The following DNAI7 variants were observed in gnomAD, a reference collection of about 807,000 sequenced individuals.
The protein encoded by DNAI7 is dynein axonemal intermediate chain 7.
A neutral mutation model predicts 86.6 loss-of-function variants in DNAI7; 78 were observed. The ratio of observed to expected loss-of-function variants is 0.90; its 90% confidence interval spans 0.75 to 1.09. The LOEUF is 1.09. DNAI7 is among the 50% of genes least tolerant of loss of function. DNAI7 has a pLI of 0.00. For synonymous variants in DNAI7, 274 were observed against 273.0 expected (o/e 1.00, Z -0.04); for missense variants, 753 against 810.2 (o/e 0.93, Z 0.86).
At chr12:25,116,362 G>C (rs1940097184) in intron 12 of DNAI7, among the ~76,000 whole-genome samples, 1 of 151,964 alleles carries the variant, frequency 6.6e-6, no homozygotes, top group African/African-American at 2.4e-5. Context: ...CAAATTTCTA[G>C]TAGTTCCGGG....
chr12:25,120,404 A>C (rs1467495576), intron 11 of DNAI7, among the ~76,000 whole-genome samples: 1 of 151,380 alleles, frequency 6.6e-6, no homozygotes, highest in Admixed American at 6.6e-5. Context: ...TATGGGAAGC[A>C]AGCCACCACG....
chr12:25,119,112 C>T lies in DNAI7; in HGVS notation c.1396+33G>A, dbSNP rs780290982. 2.2e-5 allele frequency: 34 copies of T among 1,538,032 alleles called. 1 individual carries two copies. The South Asian group carries it at 3.9e-4, about 18-fold the overall frequency. ...CAACTTAAGGGTTTTTATGATTATC[C>T]CTCCTTTTATTACATAATTATAAAA... On this transcript the variant is annotated intron_variant, in intron 12 of 15. Transcript: ENST00000395987.
chr12:25,190,585 C>G (rs1423597236), intron 2 of DNAI7, 29 bp downstream of exon 2: 1 of 1,133,938 alleles, frequency 8.8e-7, no homozygotes, highest in Non-Finnish European at 1.3e-6. Flanking sequence ...GATTATACAA[C>G]TATCTATTTT....
chr12:25,193,300 A>T (rs1339375261), intron 1 of DNAI7, among the ~76,000 whole-genome samples: 1 of 152,156 alleles, frequency 6.6e-6, no homozygotes, highest in Non-Finnish European at 1.5e-5. Context: ...ATCCAATATG[A>T]TTTGTGTCCT....
chr12:25,153,688 A>C (rs1277938559), intron 6 of DNAI7, among the ~76,000 whole-genome samples: 1 of 152,208 alleles, frequency 6.6e-6, no homozygotes, highest in Admixed American at 6.5e-5. Context: ...GCCACTAACT[A>C]GTTAGCTATG....
chr12:25,163,005 G>T (rs1253085125), intron 2 of DNAI7, among the ~76,000 whole-genome samples: 1 of 152,200 alleles, frequency 6.6e-6, no homozygotes, highest in African/African-American at 2.4e-5. Flanking sequence ...CCTGTGAAGG[G>T]AGCGATCTGC....
chr12:25,129,250 T>G (rs1319016749), intron 9 of DNAI7, among the ~76,000 whole-genome samples: 6 of 152,226 alleles, frequency 3.9e-5, no homozygotes, highest in Non-Finnish European at 1.5e-5. Flanking sequence ...ATTTGGTGCA[T>G]GAATGATTAC....
chr12:25,139,696 C>T (rs1014113078), intron 9 of DNAI7, among the ~76,000 whole-genome samples: 6 of 151,762 alleles, frequency 4.0e-5, no homozygotes, highest in African/African-American at 1.5e-4. Flanking sequence ...TGGGGCCTGT[C>T]GGGGGATGGG....
chr12:25,109,246 A>C (rs1185081363), intron 15 of DNAI7, among the ~76,000 whole-genome samples: 2 of 152,348 alleles, frequency 1.3e-5, no homozygotes, highest in East Asian at 3.9e-4. Flanking sequence ...TGTTTAGGCC[A>C]AAATATTCAT....
At chr12:25,169,039 A>C (rs1045672319) in intron 2 of DNAI7, among the ~76,000 whole-genome samples, 5 of 151,942 alleles carry the variant, frequency 3.3e-5, no homozygotes, top group African/African-American at 1.2e-4. Context: ...ACCCCCAAAA[A>C]TTTCGCTGTC....
intron 9 of DNAI7, among the ~76,000 whole-genome samples, chr12:25,138,895 A>G (rs1219959531): frequency 6.6e-6 from 1 of 150,490 alleles, no homozygotes; most frequent in Non-Finnish European, 1.5e-5. Flanking sequence ...AAAAAAAAAT[A>G]CAAAAGATAA....
chr12:25,195,111 A>T lies in DNAI7; in HGVS notation c.-33T>A, dbSNP rs943707532. Reference sequence around the variant, plus strand: ...CAAGCTCCACTGCAGTAGTCCGCAGAGTCGGAGCAGAAATTGTGTGGACAA... The same window carrying T: ...CAAGCTCCACTGCAGTAGTCCGCAGTGTCGGAGCAGAAATTGTGTGGACAA... On this transcript the variant is annotated 5_prime_UTR_variant, in exon 1 of 16. Transcript: ENST00000395987. The T allele has an allele frequency of 6.2e-7, 1 of 1,610,590 alleles. No homozygotes were observed. Among genetic ancestry groups the T allele is most frequent in the Admixed American group, 1.7e-5 (1 of 60,030 alleles).
chr12:25,115,571 A>G (rs1939920673), intron 12 of DNAI7, among the ~76,000 whole-genome samples: 1 of 152,236 alleles, frequency 6.6e-6, no homozygotes, highest in Non-Finnish European at 1.5e-5. Context: ...ATAAGTACTT[A>G]AAAAGATGAT....
intron 5 of DNAI7, 51 bp from the exon 6 acceptor site, chr12:25,154,507 G>A (rs769781926): frequency 3.2e-6 from 5 of 1,552,220 alleles, no homozygotes; most frequent in African/African-American, 2.8e-5. Context: ...TTCAACCAAA[G>A]ATTAAATGAC....
Position 25,186,009 on chromosome 12 carries a change from T to C in DNAI7, c.21+4605A>G, listed in dbSNP as rs7980769. 0.19 allele frequency among the ~76,000 whole-genome samples: 28,227 copies of C among 152,156 alleles called. 2,736 individuals carry two copies. Among genetic ancestry groups the C allele is most frequent in the Middle Eastern group, 0.24 (70 of 294 alleles). ...TGTATTAATAATGCCATTTTCTTCA[T>C]TGGAAGAAAAGTCATAAATTATTAA... On this transcript the variant is annotated intron_variant, in intron 2 of 15. Coordinates refer to ENST00000395987, the MANE Select transcript of DNAI7 (RefSeq NM_018272.5).
In DNAI7 at chr12:25,108,430, A is replaced by G; in HGVS notation, c.*118T>C. ...AACTTGAGTAGAAAATGCAGATTAGAAAATTTTTAATAGTTGATTTGAAAT... is the reference window on the plus strand; with the variant it reads ...AACTTGAGTAGAAAATGCAGATTAGGAAATTTTTAATAGTTGATTTGAAAT... On this transcript the variant is annotated 3_prime_UTR_variant, in exon 16 of 16. Transcript: ENST00000395987. 1 of 904,856 alleles carries G rather than the reference A, an allele frequency of 1.1e-6. No homozygotes were observed. Among genetic ancestry groups the G allele is most frequent in the Non-Finnish European group, 1.6e-6 (1 of 638,154 alleles). The allele number at this position is 904,856 out of a possible 1,614,324, so 56.1% of individuals were successfully genotyped here. A position where few individuals can be genotyped will look rare whatever the true frequency, so the allele number is the denominator to read the frequency against.
chr12:25,183,016 GA>G (rs1195262470), intron 2 of DNAI7, among the ~76,000 whole-genome samples: 1 of 151,164 alleles, frequency 6.6e-6, no homozygotes, highest in African/African-American at 2.4e-5. Flanking sequence ...AGGAAGGAAA[GA>G]AGGAAAATGA....
intron 2 of DNAI7, among the ~76,000 whole-genome samples, chr12:25,174,573 G>GATATATATATGAT (rs1165327766): frequency 0.015 from 349 of 23,606 alleles, 9 homozygotes; most frequent in Middle Eastern, 0.023. Flanking sequence ...ATATATATGG[G>GATATATATATGAT]ATATATATCA....
chr12:25,192,734 GC>G (rs1950635234), intron 1 of DNAI7: 1 of 148,182 alleles, frequency 6.7e-6, no homozygotes, highest in Non-Finnish European at 1.5e-5. Flanking sequence ...CAGGAGAATC[GC>G]TTGAAGGAGA....
Sources: gnomAD v4.1 joint callset for allele counts (sites outside exome capture counted in the v4.1 genomes callset) on GRCh38, gnomAD v4.1.1 for gene constraint, MANE v1.5 for transcripts, NCBI Gene and HGNC (gene_info 2026-07-23, HGNC 2026-07-21) for gene names.